ATP8B4: variants seen among roughly 807,000 people sequenced by gnomAD.
The protein encoded by ATP8B4 is probable phospholipid-transporting ATPase IM.
Under a neutral mutation model 145.6 loss-of-function variants are expected in ATP8B4, and 133 were observed. That is an observed-to-expected ratio of 0.91 (90% confidence interval 0.79 to 1.05). The LOEUF is 1.05. Among genes scored for constraint, ATP8B4 ranks in the 50% least tolerant of loss-of-function variants. The pLI, the probability that ATP8B4 is intolerant of heterozygous loss-of-function variation, is 0.00. For missense variants in ATP8B4, 1,458 were observed against 1,425.2 expected (o/e 1.02, Z -0.37); for synonymous variants, 507 against 492.9 (o/e 1.03, Z -0.38).
At chr15:49,884,367 G>A (rs1416946491) in intron 23 of ATP8B4, among the ~76,000 whole-genome samples, 1 of 151,988 alleles carries the variant, frequency 6.6e-6, no homozygotes, top group East Asian at 1.9e-4. Flanking sequence ...TTTGGGGGTC[G>A]AGGCTAGTGG....
intron 17 of ATP8B4, 50 bp from the exon 18 acceptor site, chr15:49,920,460 A>T: frequency 6.6e-7 from 1 of 1,523,106 alleles, no homozygotes; most frequent in South Asian, 1.3e-5. Flanking sequence ...CAATAAGCAC[A>T]GAAATAACAA....
intron 1 of ATP8B4, among the ~76,000 whole-genome samples, chr15:50,175,917 A>C: frequency 6.6e-6 from 1 of 152,138 alleles, no homozygotes; most frequent in Non-Finnish European, 1.5e-5. Flanking sequence ...ATAGCAGCAC[A>C]ATTTACAATT....
chr15:50,156,344 A>C (rs2044419641), intron 1 of ATP8B4, among the ~76,000 whole-genome samples: 1 of 151,760 alleles, frequency 6.6e-6, no homozygotes, highest in African/African-American at 2.4e-5. Context: ...TTTTCCTTTA[A>C]AACTTCAATC....
chr15:49,959,027 T>C (rs948305076), intron 14 of ATP8B4, among the ~76,000 whole-genome samples: 1 of 151,882 alleles, frequency 6.6e-6, no homozygotes, highest in African/African-American at 2.4e-5. Context: ...AAAAGAACAC[T>C]GCAGAACCAT....
At chr15:49,965,932 T>C (rs535254641) in intron 13 of ATP8B4, among the ~76,000 whole-genome samples, 12 of 152,172 alleles carry the variant, frequency 7.9e-5, no homozygotes, top group African/African-American at 2.2e-4. Flanking sequence ...GCTAATCTCA[T>C]TGGGACTGGT....
At chr15:49,911,956 A>G (rs530010985) in intron 20 of ATP8B4, among the ~76,000 whole-genome samples, 1 of 152,298 alleles carries the variant, frequency 6.6e-6, no homozygotes, top group African/African-American at 2.4e-5. Flanking sequence ...AAAAAGTAAG[A>G]TGAAAATGAA....
chr15:49,933,940 T>A (rs2041497431), intron 15 of ATP8B4, 77 bp downstream of exon 15: 4 of 1,394,952 alleles, frequency 2.9e-6, no homozygotes, highest in South Asian at 1.7e-5. Context: ...AATTTGTAAA[T>A]CCTTCAAATT....
At chr15:49,968,303 A>G (rs1398507820) in intron 13 of ATP8B4, among the ~76,000 whole-genome samples, 2 of 152,228 alleles carry the variant, frequency 1.3e-5, no homozygotes, top group African/African-American at 4.8e-5. Context: ...AATGGGCTAA[A>G]TGCCCCAATT....
chr15:50,103,440 C>A (rs1273097712), intron 2 of ATP8B4, among the ~76,000 whole-genome samples: 1 of 152,090 alleles, frequency 6.6e-6, no homozygotes, highest in Non-Finnish European at 1.5e-5. Context: ...CCCTGCTATA[C>A]ACCAACAGCA....
chr15:49,879,054 G>A (rs2034963519), intron 24 of ATP8B4, among the ~76,000 whole-genome samples: 1 of 152,228 alleles, frequency 6.6e-6, no homozygotes, highest in South Asian at 2.1e-4. Context: ...TACAGTCATA[G>A]AAGTTTGGGA....
chr15:50,125,245 G>T (rs570032019), intron 1 of ATP8B4, among the ~76,000 whole-genome samples: 2 of 152,314 alleles, frequency 1.3e-5, no homozygotes, highest in South Asian at 4.2e-4. Flanking sequence ...CCAAGGAGCA[G>T]CCAGACACTT....
At chr15:50,173,320 C>T (rs1191750075) in intron 1 of ATP8B4, among the ~76,000 whole-genome samples, 3 of 152,124 alleles carry the variant, frequency 2.0e-5, no homozygotes, top group Admixed American at 1.3e-4. Context: ...AAGAAGTAGA[C>T]ATAGGAGACT....
chr15:49,976,078 A>G (rs924650119), intron 12 of ATP8B4, among the ~76,000 whole-genome samples: 5 of 152,104 alleles, frequency 3.3e-5, no homozygotes, highest in African/African-American at 1.2e-4. Context: ...TCCCTCCCCA[A>G]AAGAGGTATG....
chr15:49,862,459 C>CTTT, intron 26 of ATP8B4, 84 bp from the exon 27 acceptor site: 10 of 1,144,446 alleles, frequency 8.7e-6, no homozygotes, highest in Non-Finnish European at 1.1e-5. Flanking sequence ...CCTACAAGAT[C>CTTT]TTTTTTTTTT....
chr15:50,108,648 T>C (rs1225860779), intron 1 of ATP8B4, among the ~76,000 whole-genome samples: 1 of 152,174 alleles, frequency 6.6e-6, no homozygotes, highest in Non-Finnish European at 1.5e-5. Flanking sequence ...CTAGCTCCTA[T>C]TCATCTGTCC....
chr15:50,078,265 C>T (rs80329511), intron 2 of ATP8B4, among the ~76,000 whole-genome samples: 1 of 151,374 alleles, frequency 6.6e-6, no homozygotes, highest in Non-Finnish European at 1.5e-5. Context: ...ACTGCAGTCT[C>T]GAACTCCTGG....
chr15:49,906,348 C>G lies in ATP8B4; in HGVS notation c.2142-5109G>C, dbSNP rs534364907. ...CGCTAGTTTGTCCTCTAGGGAGTTT[C>G]TATCAACTTACAGTCCCAACAACAG... On this transcript the variant is annotated intron_variant, in intron 20 of 27. Transcript: ENST00000284509. 4.7e-4 allele frequency among the ~76,000 whole-genome samples: 71 copies of G among 152,312 alleles called. 1 individual carries two copies. The highest frequency in any genetic ancestry group is 1.7e-3 in the African/African-American group (71 of 41,570).
At chr15:49,926,016 G>A (rs1156587767) in intron 16 of ATP8B4, among the ~76,000 whole-genome samples, 2 of 152,060 alleles carry the variant, frequency 1.3e-5, no homozygotes, top group Non-Finnish European at 2.9e-5. Context: ...AAATATTAGT[G>A]TTCTTCAGAG....
chr15:50,134,325 G>T (rs1312223802), intron 1 of ATP8B4, among the ~76,000 whole-genome samples: 1 of 152,150 alleles, frequency 6.6e-6, no homozygotes, highest in Non-Finnish European at 1.5e-5. Flanking sequence ...CTCTTATAAA[G>T]GTGGAAAGAA....
Sources: allele counts gnomAD v4.1 joint callset (sites outside exome capture counted in the v4.1 genomes callset), GRCh38; gene constraint gnomAD v4.1.1; transcripts MANE v1.5; gene names NCBI Gene and HGNC (gene_info 2026-07-23, HGNC 2026-07-21).